Variants in GFPT1 observed in about 807,000 individuals in gnomAD.
GFPT1 encodes the protein glutamine--fructose-6-phosphate aminotransferase [isomerizing] 1.
GFPT1 carries 40 observed loss-of-function variants against 92.0 expected under a neutral mutation model. That is an observed-to-expected ratio of 0.43 (90% CI 0.34 to 0.57). The LOEUF (loss-of-function observed/expected upper bound fraction) is 0.57. GFPT1 is among the 20% of genes least tolerant of loss of function. The pLI is 0.02. For synonymous variants in GFPT1, 269 were observed against 280.6 expected, an observed-to-expected ratio of 0.96 and a Z score of 0.41; for missense variants, 448 against 869.1, an observed-to-expected ratio of 0.52 and a Z score of 6.09.
At chr2:69,376,451 G>A (rs537194176) in intron 1 of GFPT1, among the ~76,000 whole-genome samples, 7 of 152,142 alleles carry the variant, frequency 4.6e-5, no homozygotes, top group South Asian at 4.2e-4. Context: ...CCCAGGAGGC[G>A]GAGGTTGCAG....
chr2:69,320,104 G>C lies in GFPT1; in HGVS notation c.*6085C>G, dbSNP rs7642. 100,056 of 152,056 alleles carry C rather than the reference G, an allele frequency of 0.66. 34,361 individuals carry two copies. The highest frequency in any genetic ancestry group is 0.87 in the African/African-American group (36,098 of 41,500). The allele number at this position is 152,056 out of a possible 1,614,324, so 9.4% of individuals were successfully genotyped here. A position where few individuals can be genotyped will look rare whatever the true frequency, so the allele number is the denominator to read the frequency against. Reference sequence around the variant, plus strand: ...ATAGTGAAAAACCAATGACAGATGCGACACTGGAAAGAGGACAACAATGTA... The same window carrying C: ...ATAGTGAAAAACCAATGACAGATGCCACACTGGAAAGAGGACAACAATGTA... On this transcript the variant is annotated 3_prime_UTR_variant, in exon 20 of 20. Coordinates refer to ENST00000357308, the MANE Select transcript of GFPT1 (RefSeq NM_001244710.2).
At position 69,338,035 on chromosome 2, in the gene GFPT1, T is replaced by A; in HGVS notation, c.1345A>T (p.Met449Leu). 1 of 1,614,146 alleles carries A rather than the reference T, an allele frequency of 6.2e-7. No homozygotes were observed. Among genetic ancestry groups the A allele is most frequent in the Non-Finnish European group, 8.5e-7 (1 of 1,179,988 alleles). ...SQSGETADTLMGLRYCKERGA... is the reference protein window; with the variant it reads ...SQSGETADTLLGLRYCKERGA... ...CTCTCCTTACAGTAACGAAGACCCA[T>A]CAAAGTATCTGCTGTCTCACCTGTG... is the stretch of plus-strand genomic sequence containing the variant. The change falls in exon 15 of 20, where the codon ATG (methionine) becomes TTG (leucine). Residue 449 changes from methionine (M) to leucine (L), a missense_variant. Around this residue, in one of 7 missense-constraint regions of GFPT1, gnomAD observed 121 missense variants for 304.3 expected, o/e 0.40. Transcript: ENST00000357308.
chr2:69,373,914 AAC>A (rs1179586464), intron 2 of GFPT1, 90 bp downstream of exon 2: 4 of 690,664 alleles, frequency 5.8e-6, no homozygotes, highest in Non-Finnish European at 7.9e-6. Context: ...CTCAAAACAA[AAC>A]AGACTTTAAT....
intron 13 of GFPT1, among the ~76,000 whole-genome samples, 200 bp downstream of exon 13, chr2:69,341,952 G>A (rs1346772832): frequency 1.3e-5 from 2 of 152,082 alleles, no homozygotes; most frequent in Non-Finnish European, 1.5e-5. Context: ...TATATCTAGG[G>A]ACCTTTTCTA....
intron 15 of GFPT1, among the ~76,000 whole-genome samples, chr2:69,336,266 G>T (rs1670794557): frequency 6.7e-6 from 1 of 149,042 alleles, no homozygotes; most frequent in South Asian, 2.1e-4. Context: ...TTGAACCCAG[G>T]AGGCGGGGGT....
chr2:69,356,879 A>G (rs978537319), intron 6 of GFPT1, among the ~76,000 whole-genome samples: 18 of 151,950 alleles, frequency 1.2e-4, no homozygotes, highest in African/African-American at 4.1e-4. Context: ...CTGGGATTAC[A>G]GGCACGCACC....
At chr2:69,360,710 C>T (rs887006662) in intron 4 of GFPT1, among the ~76,000 whole-genome samples, 5 of 152,090 alleles carry the variant, frequency 3.3e-5, no homozygotes, top group African/African-American at 1.2e-4. Context: ...AGATTACAGA[C>T]ATGAGCCACT....
intron 5 of GFPT1, among the ~76,000 whole-genome samples, 168 bp from the exon 6 acceptor site, chr2:69,358,631 T>G (rs1277828720): frequency 1.3e-5 from 2 of 152,224 alleles, no homozygotes; most frequent in Non-Finnish European, 2.9e-5. Flanking sequence ...TCTAAAACAG[T>G]GTGGGACTCT....
intron 2 of GFPT1, among the ~76,000 whole-genome samples, chr2:69,371,763 G>A (rs180750120): frequency 9.4e-4 from 143 of 151,960 alleles, no homozygotes; most frequent in African/African-American, 3.3e-3. Context: ...CGTGAACCCG[G>A]GAGGTGGAGC....
At chr2:69,331,376 C>CA (rs1222770209) in intron 15 of GFPT1, among the ~76,000 whole-genome samples, 1 of 152,066 alleles carries the variant, frequency 6.6e-6, no homozygotes, top group South Asian at 2.1e-4. Flanking sequence ...TTGTTCAAAA[C>CA]AAAAAAATTA....
chr2:69,361,396 G>A lies in GFPT1; in HGVS notation c.350-2070C>T, dbSNP rs745372231. 1.5e-4 allele frequency among the ~76,000 whole-genome samples: 23 copies of A among 148,620 alleles called. No homozygotes were observed. In the East Asian group the frequency reaches 1.8e-3, roughly 12 times the overall value. On this transcript the variant is annotated intron_variant, in intron 4 of 19. Transcript: ENST00000357308. ...CCAGGAGGCAGAGGTTGCAGTGAGC[G>A]GAAAGCATGCCATTGCACTCCAGCC...
In GFPT1 at chr2:69,387,154, TGCGGGCTCGGG is replaced by T. The variant is rs1444310102; in HGVS notation, c.-94_-84del. On this transcript the variant is annotated 5_prime_UTR_variant, in exon 1 of 20. Coordinates refer to ENST00000357308, the MANE Select transcript of GFPT1 (RefSeq NM_001244710.2). ...CACACACGAGCTTCGGTGGGCAATC[TGCGGGCTCGGG>T]GGCCGGGGTGGCGCCGACACGACTC... The T allele has an allele frequency of 8.3e-6, 12 of 1,453,356 alleles. No homozygotes were observed. The Admixed American group carries it at 2.8e-4, about 34-fold the overall frequency. The allele number at this position is 1,453,356 out of a possible 1,614,324, so 90.0% of individuals were successfully genotyped here.
intron 7 of GFPT1, 135 bp downstream of exon 7, chr2:69,356,361 T>G: frequency 1.3e-6 from 1 of 750,168 alleles, no homozygotes; most frequent in African/African-American, 1.7e-5. Context: ...AAGGAAGATG[T>G]GAAAATATGC....
At chr2:69,381,423 G>A (rs1672007047) in intron 1 of GFPT1, among the ~76,000 whole-genome samples, 1 of 152,256 alleles carries the variant, frequency 6.6e-6, no homozygotes, top group Non-Finnish European at 1.5e-5. Flanking sequence ...TCACAAGCAT[G>A]AGTCACTGCC....
intron 8 of GFPT1, 39 bp from the exon 9 acceptor site, chr2:69,354,351 G>A (rs2104647727): frequency 1.3e-6 from 2 of 1,520,188 alleles, no homozygotes; most frequent in South Asian, 1.1e-5. Flanking sequence ...AATCATCAGA[G>A]AACTCACAAA....
At chr2:69,343,010 C>T (rs1246057736) in intron 12 of GFPT1, among the ~76,000 whole-genome samples, 1 of 152,196 alleles carries the variant, frequency 6.6e-6, no homozygotes, top group Non-Finnish European at 1.5e-5. Flanking sequence ...TTCTGTTCTC[C>T]ACCTCCTGGA....
At chr2:69,344,879 C>T (rs1157024038) in intron 12 of GFPT1, among the ~76,000 whole-genome samples, 3 of 151,928 alleles carry the variant, frequency 2.0e-5, no homozygotes, top group African/African-American at 4.8e-5. Context: ...GCGATCCTCC[C>T]GCTTTGGGTT....
In GFPT1 at chr2:69,337,838, T is replaced by C. The variant is rs568417788; in HGVS notation, c.1482+60A>G. On this transcript the variant is annotated intron_variant, in intron 15 of 19. Coordinates refer to ENST00000357308, the MANE Select transcript of GFPT1 (RefSeq NM_001244710.2). ...ATAAGATACAGACTAGTCTACAGACTAGTCTGCTTCACTGACACTATGATT... is the reference window on the plus strand; with the variant it reads ...ATAAGATACAGACTAGTCTACAGACCAGTCTGCTTCACTGACACTATGATT... The C allele has an allele frequency of 6.1e-6, 8 of 1,320,838 alleles. No individual in the cohort carries two copies. In the African/African-American group the frequency reaches 8.7e-5, roughly 14 times the overall value. The allele number at this position is 1,320,838 out of a possible 1,614,324, so 81.8% of individuals were successfully genotyped here. A position where few individuals can be genotyped will look rare whatever the true frequency, so the allele number is the denominator to read the frequency against.
At chr2:69,327,996 G>A (rs2104597410) in intron 18 of GFPT1, among the ~76,000 whole-genome samples, 1 of 151,426 alleles carries the variant, frequency 6.6e-6, no homozygotes, top group Non-Finnish European at 1.5e-5. Context: ...CTACTTGGGA[G>A]GCTGAGGCAG....
Sources: allele counts gnomAD v4.1 joint callset (sites outside exome capture counted in the v4.1 genomes callset), GRCh38; gene constraint gnomAD v4.1.1; regional missense constraint gnomAD v4.1.1; transcripts MANE v1.5; gene names NCBI Gene and HGNC (gene_info 2026-07-23, HGNC 2026-07-21).